USP10: variants seen among roughly 807,000 people sequenced by gnomAD.
The protein encoded by USP10 is ubiquitin specific peptidase 10, also known as ubiquitin carboxyl-terminal hydrolase 10.
USP10 carries 22 observed loss-of-function variants against 84.5 expected under a neutral mutation model. The ratio of observed to expected loss-of-function variants is 0.26; its 90% CI spans 0.19 to 0.37. The LOEUF (loss-of-function observed/expected upper bound fraction) is 0.37, where lower values mean the gene tolerates loss of function less well. USP10 is among the 10% of genes least tolerant of loss of function. The pLI is 1.00. For missense variants in USP10, 1,019 were observed against 998.9 expected (o/e 1.02, Z -0.27); for synonymous variants, 454 against 387.6 (o/e 1.17, Z -2.01).
chr16:84,713,405 T>TG (rs1675037830), intron 1 of USP10, among the ~76,000 whole-genome samples: 1 of 152,030 alleles, frequency 6.6e-6, no homozygotes, highest in African/African-American at 2.4e-5. Context: ...CCTTCACACT[T>TG]GTCACCCTGT....
chr16:84,718,558 C>G (rs1907357274), intron 1 of USP10, among the ~76,000 whole-genome samples: 1 of 152,060 alleles, frequency 6.6e-6, no homozygotes, highest in African/African-American at 2.4e-5. Context: ...GAGTTCAAGA[C>G]CATCCTGGCC....
rs545775723 is a variant in USP10 at position 84,720,039 on chromosome 16, G to C, written c.22-13396G>C. On this transcript the variant is annotated intron_variant, in intron 1 of 13. Transcript: ENST00000219473. Reference sequence around the variant, plus strand: ...AACAAAGCCGCTCATTAAGGTGGAAGTTCTGTGCTTGATCTTAACACCGGA... The same window carrying C: ...AACAAAGCCGCTCATTAAGGTGGAACTTCTGTGCTTGATCTTAACACCGGA... 9.2e-5 allele frequency among the ~76,000 whole-genome samples: 14 copies of C among 152,342 alleles called. No homozygotes were observed. The South Asian group carries it at 2.9e-3, about 32-fold the overall frequency.
chr16:84,766,246 G>A (rs1316603899), intron 10 of USP10, among the ~76,000 whole-genome samples: 1 of 152,246 alleles, frequency 6.6e-6, no homozygotes, highest in African/African-American at 2.4e-5. Context: ...AGCCAGTTGA[G>A]CAGCCATGTG....
chr16:84,730,350 C>G (rs1909050903), intron 1 of USP10, among the ~76,000 whole-genome samples: 1 of 151,502 alleles, frequency 6.6e-6, no homozygotes, highest in Admixed American at 6.6e-5. Context: ...CTGTCTGTAC[C>G]TAAAGTTCTT....
chr16:84,769,662 C>T (rs571500765), intron 11 of USP10, among the ~76,000 whole-genome samples: 1 of 152,252 alleles, frequency 6.6e-6, no homozygotes, highest in African/African-American at 2.4e-5. Context: ...GCTGCTGGTG[C>T]ACTCTGCTTA....
chr16:84,740,238 C>A, intron 2 of USP10, 71 bp from the exon 3 acceptor site: 1 of 1,397,414 alleles, frequency 7.2e-7, no homozygotes, highest in South Asian at 1.2e-5. Flanking sequence ...GAATTGTTGC[C>A]TTAATTAAAT....
intron 1 of USP10, among the ~76,000 whole-genome samples, chr16:84,705,768 G>T (rs1905411942): frequency 7.3e-6 from 1 of 136,118 alleles, no homozygotes; most frequent in South Asian, 2.3e-4. Context: ...TGCCCAGGCT[G>T]GAATGCAGTG....
intron 5 of USP10, 47 bp downstream of exon 5, chr16:84,758,854 C>A (rs1214472583): frequency 1.4e-6 from 2 of 1,408,260 alleles, no homozygotes; most frequent in African/African-American, 1.4e-5. Context: ...TTGCAGCTGT[C>A]CCTCCTTTGG....
At chr16:84,701,315 G>C (rs977512348) in intron 1 of USP10, among the ~76,000 whole-genome samples, 7 of 152,222 alleles carry the variant, frequency 4.6e-5, no homozygotes, top group African/African-American at 1.7e-4. Flanking sequence ...GTTTGCATCA[G>C]AATTTCCCCC....
At chr16:84,714,538 GT>G (rs374263423) in intron 1 of USP10, among the ~76,000 whole-genome samples, 45 of 143,450 alleles carry the variant, frequency 3.1e-4, no homozygotes, top group East Asian at 1.0e-3. Flanking sequence ...CTTTGCGATT[GT>G]TTTTTTTTTT....
At chr16:84,729,077 C>T (rs1197700867) in intron 1 of USP10, among the ~76,000 whole-genome samples, 8 of 152,138 alleles carry the variant, frequency 5.3e-5, no homozygotes, top group East Asian at 1.9e-4. Context: ...AGATTACAAG[C>T]GTGAGCCACC....
chr16:84,762,076 G>A (rs959670010), intron 8 of USP10, among the ~76,000 whole-genome samples: 1 of 152,260 alleles, frequency 6.6e-6, no homozygotes, highest in African/African-American at 2.4e-5. Context: ...AATATGAACT[G>A]ATGATAAGTA....
chr16:84,753,818 T>G (rs976026081), intron 4 of USP10, among the ~76,000 whole-genome samples: 13 of 152,254 alleles, frequency 8.5e-5, no homozygotes, highest in Admixed American at 5.2e-4. Flanking sequence ...TAATGAGAAC[T>G]TACTGTATGC....
Position 84,745,115 on chromosome 16 carries a change from C to T in USP10, c.634C>T (p.Pro212Ser). The change falls in exon 4 of 14, where the codon CCC (proline) becomes TCC (serine). Residue 212 changes from proline to serine, a missense_variant. Physicochemically the swap from Pro to Ser is moderately conservative, Grantham distance 74 (BLOSUM62 -1). Around this residue, in one of 2 missense-constraint regions of USP10, gnomAD observed 787 missense variants for 708.8 expected, o/e 1.11. Transcript: ENST00000219473. ...PSVTPRTCNSPQNSTDSVSDI... is the reference protein window; with the variant it reads ...PSVTPRTCNSSQNSTDSVSDI... ...AGTTACGCCCAGGACTTGTAACAGC[C>T]CCCAGAACTCCACAGACTCTGTCAG... 1.2e-6 allele frequency: 2 copies of T among 1,613,498 alleles called. No homozygotes were observed. The highest frequency in any genetic ancestry group is 8.5e-7 in the Non-Finnish European group (1 of 1,179,616).
At chr16:84,734,729 C>T (rs574029562) in intron 2 of USP10, among the ~76,000 whole-genome samples, 29 of 152,042 alleles carry the variant, frequency 1.9e-4, no homozygotes, top group Non-Finnish European at 3.8e-4. Flanking sequence ...CTTTAGATAA[C>T]GAAGATATTT....
chr16:84,764,608 A>C (rs1245177555), intron 10 of USP10, among the ~76,000 whole-genome samples: 1 of 152,178 alleles, frequency 6.6e-6, no homozygotes, highest in Non-Finnish European at 1.5e-5. Context: ...AGGCGGGTGG[A>C]TCACCTGAGG....
At chr16:84,734,091 C>T (rs1909588127) in intron 2 of USP10, among the ~76,000 whole-genome samples, 1 of 152,154 alleles carries the variant, frequency 6.6e-6, no homozygotes, top group African/African-American at 2.4e-5. Flanking sequence ...TGTATTTTAT[C>T]ATGTCTCCTG....
At chr16:84,749,112 T>C (rs1009916127) in intron 4 of USP10, among the ~76,000 whole-genome samples, 4 of 152,250 alleles carry the variant, frequency 2.6e-5, no homozygotes, top group South Asian at 2.1e-4. Flanking sequence ...TCACATTGAA[T>C]AACCCTTGGG....
chr16:84,770,131 A>C (rs1041152607), intron 11 of USP10, among the ~76,000 whole-genome samples: 1 of 152,132 alleles, frequency 6.6e-6, no homozygotes, highest in African/African-American at 2.4e-5. Context: ...AAATAAAAAT[A>C]AAGGAAAGCT....
Sources: allele counts gnomAD v4.1 joint callset (sites outside exome capture counted in the v4.1 genomes callset), GRCh38; gene constraint gnomAD v4.1.1; regional missense constraint gnomAD v4.1.1; transcripts MANE v1.5; gene names NCBI Gene and HGNC (gene_info 2026-07-23, HGNC 2026-07-21).